The following SLC25A16 variants were observed in gnomAD, a reference collection of about 807,000 sequenced individuals.
SLC25A16 encodes mitochondrial coenzyme A transporter SLC25A16.
A neutral mutation model predicts 41.5 loss-of-function variants in SLC25A16; 39 were observed. The ratio of observed to expected loss-of-function variants is 0.94; its 90% CI spans 0.73 to 1.23. The LOEUF (loss-of-function observed/expected upper bound fraction) is 1.23, where lower values mean the gene tolerates loss of function less well. Among genes scored for constraint, SLC25A16 ranks in the 50% most tolerant of loss-of-function variants. The pLI, the probability that SLC25A16 is intolerant of heterozygous loss-of-function variation, is 0.00. For synonymous variants in SLC25A16, 146 were observed against 147.8 expected (o/e 0.99, Z 0.09); for missense variants, 421 against 426.9 (o/e 0.99, Z 0.12).
chr10:68,518,761 A>C (rs976724670), intron 1 of SLC25A16, among the ~76,000 whole-genome samples: 2 of 151,460 alleles, frequency 1.3e-5, no homozygotes, highest in Non-Finnish European at 2.9e-5. Context: ...GCAACAGAGC[A>C]GGTCTCGGTC....
rs115498473 is a variant in SLC25A16 at position 68,489,337 on chromosome 10, A to C, written c.611-708T>G. 3.9e-3 allele frequency among the ~76,000 whole-genome samples: 589 copies of C among 152,276 alleles called. 8 individuals are homozygous for C. Among genetic ancestry groups the C allele is most frequent in the African/African-American group, 0.014 (568 of 41,562 alleles). On this transcript the variant is annotated intron_variant, in intron 6 of 8. Transcript: ENST00000609923. ...ATGTAAGATACAGGCAAAAATTAAG[A>C]AGTGAAAAAGCATTTTTATTTTAAC...
At chr10:68,509,576 C>T (rs1195563781) in intron 2 of SLC25A16, among the ~76,000 whole-genome samples, 2 of 151,068 alleles carry the variant, frequency 1.3e-5, no homozygotes, top group African/African-American at 2.4e-5. Flanking sequence ...GTTAGCTCTG[C>T]GTGGTGGCGC....
intron 6 of SLC25A16, among the ~76,000 whole-genome samples, chr10:68,489,732 C>G (rs1260824909): frequency 2.6e-5 from 4 of 151,848 alleles, no homozygotes; most frequent in African/African-American, 9.7e-5. Flanking sequence ...GAAACCCTGT[C>G]TCTACAAAAA....
intron 8 of SLC25A16, 29 bp downstream of exon 8, chr10:68,487,115 A>T: frequency 6.4e-7 from 1 of 1,574,358 alleles, no homozygotes; most frequent in Non-Finnish European, 8.7e-7. Flanking sequence ...TTCCTAAAGA[A>T]AATGAACAAT....
chr10:68,490,940 A>C (rs1275902718), intron 6 of SLC25A16, among the ~76,000 whole-genome samples: 3 of 151,632 alleles, frequency 2.0e-5, no homozygotes, highest in Non-Finnish European at 4.4e-5. Context: ...TTCAGGCTGG[A>C]GTAGAGTGGC....
In SLC25A16 at chr10:68,503,533, C is replaced by T. The variant is rs570421112; in HGVS notation, c.421+99G>A. The T allele has an allele frequency of 7.0e-6, 5 of 711,756 alleles. No homozygotes were observed. In the East Asian group the frequency reaches 1.4e-4, roughly 21 times the overall value. The allele number at this position is 711,756 out of a possible 1,614,324, so 44.1% of individuals were successfully genotyped here. On this transcript the variant is annotated intron_variant, in intron 4 of 8. Coordinates refer to ENST00000609923, the MANE Select transcript of SLC25A16 (RefSeq NM_152707.4). Reference sequence around the variant, plus strand: ...ATACAAGTCACAGGACACCTGCAACCTGTGCTTTCCCCAATGGCACTCATA... The same window carrying T: ...ATACAAGTCACAGGACACCTGCAACTTGTGCTTTCCCCAATGGCACTCATA...
intron 8 of SLC25A16, among the ~76,000 whole-genome samples, chr10:68,486,138 A>C (rs2052556152): frequency 6.7e-6 from 1 of 149,304 alleles, no homozygotes; most frequent in Non-Finnish European, 1.5e-5. Context: ...GAATCGCTTG[A>C]ACCCGGAAGG....
At chr10:68,501,217 C>T (rs1590107162) in intron 4 of SLC25A16, among the ~76,000 whole-genome samples, 1 of 151,978 alleles carries the variant, frequency 6.6e-6, no homozygotes, top group Middle Eastern at 3.4e-3. Context: ...TGCCACTGCA[C>T]TCCAACCTGG....
intron 2 of SLC25A16, among the ~76,000 whole-genome samples, chr10:68,516,401 A>G (rs1042969007): frequency 2.2e-5 from 3 of 138,020 alleles, no homozygotes; most frequent in Non-Finnish European, 3.3e-5. Flanking sequence ...TGGGGAAGGT[A>G]AAAAAAAAAC....
rs777444380 is a variant in SLC25A16 at position 68,527,237 on chromosome 10, T to G, written c.130+9A>C. The G allele has an allele frequency of 6.5e-7, 1 of 1,547,234 alleles. No homozygotes were observed. Among genetic ancestry groups the G allele is most frequent in the African/African-American group, 1.4e-5 (1 of 72,252 alleles). On this transcript the variant is annotated intron_variant, in intron 1 of 8. Transcript: ENST00000609923. ...AGAGCGCGGCTGGCTCTTCGTGGCA[T>G]GGACCCACCTCCGGCCAGAAAGGAG...
intron 2 of SLC25A16, among the ~76,000 whole-genome samples, chr10:68,511,916 G>A (rs760818891): frequency 7.9e-5 from 12 of 151,778 alleles, no homozygotes; most frequent in Non-Finnish European, 1.8e-4. Context: ...GAGTACAGTA[G>A]CACAGTCTTG....
chr10:68,503,578 T>C, intron 4 of SLC25A16, 54 bp downstream of exon 4: 1 of 1,179,240 alleles, frequency 8.5e-7, no homozygotes, highest in Admixed American at 2.0e-5. Flanking sequence ...CCAAATTAAA[T>C]ATTTTAATAG....
At chr10:68,509,645 G>C (rs2053019494) in intron 2 of SLC25A16, among the ~76,000 whole-genome samples, 1 of 150,960 alleles carries the variant, frequency 6.6e-6, no homozygotes, top group Non-Finnish European at 1.5e-5. Context: ...AGAGGCTGCA[G>C]TGAGCTGTGA....
chr10:68,509,743 C>CTATATCTATATCTATATATA (rs1564923024), intron 2 of SLC25A16, among the ~76,000 whole-genome samples: 1 of 144,664 alleles, frequency 6.9e-6, no homozygotes, highest in African/African-American at 2.6e-5. Flanking sequence ...ATATATATAT[C>CTATATCTATATCTATATATA]TATATATATA....
chr10:68,509,874 C>T (rs1399471678), intron 2 of SLC25A16, among the ~76,000 whole-genome samples: 2 of 151,800 alleles, frequency 1.3e-5, no homozygotes, highest in Non-Finnish European at 2.9e-5. Context: ...AGGCAGATCA[C>T]GAAGTCAGGA....
rs1282576897 is a variant in SLC25A16, at chr10:68,486,234, A to AC, written c.842+909_842+910insG. 4.3e-4 allele frequency among the ~76,000 whole-genome samples: 64 copies of AC among 147,464 alleles called. 1 individual carries two copies. In the East Asian group the frequency reaches 5.3e-3, roughly 12 times the overall value. On this transcript the variant is annotated intron_variant, in intron 8 of 8. Transcript: ENST00000609923. ...ACTTTGTCTCAAAAAAACAAAACAA[A>AC]AAAAAAAAAAAAACACAACCTCTAA...
chr10:68,511,723 C>T (rs2053066566), intron 2 of SLC25A16, among the ~76,000 whole-genome samples: 1 of 152,156 alleles, frequency 6.6e-6, no homozygotes, highest in African/African-American at 2.4e-5. Context: ...GACAGAGTCT[C>T]ACTCTGTTGC....
chr10:68,513,583 C>T (rs2053106776), intron 2 of SLC25A16, among the ~76,000 whole-genome samples: 1 of 151,930 alleles, frequency 6.6e-6, no homozygotes, highest in Non-Finnish European at 1.5e-5. Context: ...TTCTATAAAA[C>T]GATATTATAA....
chr10:68,514,590 C>T (rs1183874311), intron 2 of SLC25A16, among the ~76,000 whole-genome samples: 3 of 152,136 alleles, frequency 2.0e-5, no homozygotes, highest in Non-Finnish European at 2.9e-5. Context: ...GAACTGGAAC[C>T]GCAAGGTCAA....
Sources: allele counts gnomAD v4.1 joint callset (sites outside exome capture counted in the v4.1 genomes callset), GRCh38; gene constraint gnomAD v4.1.1; transcripts MANE v1.5; gene names NCBI Gene and HGNC (gene_info 2026-07-23, HGNC 2026-07-21).